Variants in VPS13C observed in about 807,000 individuals in gnomAD.
The protein encoded by VPS13C is vacuolar protein sorting 13 homolog C.
In VPS13C, 358 loss-of-function variants were observed where a neutral mutation model predicts 456.8. The observed-to-expected ratio is 0.78, with a 90% CI of 0.72 to 0.86. VPS13C has a LOEUF of 0.86. Ranked by LOEUF, VPS13C falls within the 40% of genes least tolerant of loss-of-function variation. The pLI, the probability that VPS13C is intolerant of heterozygous loss-of-function variation, is 0.00. For missense variants in VPS13C, 4,818 were observed against 4,385.4 expected (o/e 1.10, Z -2.79); for synonymous variants, 1,578 against 1,486.7 (o/e 1.06, Z -1.41).
chr15:61,897,199 C>T (rs1226007395), intron 66 of VPS13C, among the ~76,000 whole-genome samples: 1 of 152,178 alleles, frequency 6.6e-6, no homozygotes. Flanking sequence ...GAGCACCTCT[C>T]CTCCTCCAAA....
intron 1 of VPS13C, among the ~76,000 whole-genome samples, chr15:62,059,273 G>A (rs1327445883): frequency 2.0e-5 from 3 of 152,154 alleles, no homozygotes; most frequent in Non-Finnish European, 4.4e-5. Flanking sequence ...CACAGCTACA[G>A]TGGCTAGTGG....
chr15:62,056,240 C>G (rs1179574523), intron 1 of VPS13C, among the ~76,000 whole-genome samples: 1 of 152,150 alleles, frequency 6.6e-6, no homozygotes, highest in Non-Finnish European at 1.5e-5. Flanking sequence ...AATAGTTATA[C>G]CATATAGATC....
At chr15:62,023,734 G>A in intron 7 of VPS13C, 46 bp downstream of exon 7, 1 of 1,491,248 alleles carries the variant, frequency 6.7e-7, no homozygotes, top group Non-Finnish European at 9.2e-7. Context: ...AAATAAAGTG[G>A]CAATGTGTAT....
intron 1 of VPS13C, among the ~76,000 whole-genome samples, chr15:62,057,959 A>G (rs2048853822): frequency 6.6e-6 from 1 of 152,252 alleles, no homozygotes; most frequent in Admixed American, 6.5e-5. Flanking sequence ...ACCTCTGACT[A>G]TATCCATACG....
At chr15:62,044,113 C>T in intron 2 of VPS13C, 99 bp downstream of exon 2, 3 of 733,150 alleles carry the variant, frequency 4.1e-6, no homozygotes, top group Non-Finnish European at 6.6e-6. Context: ...GTGATTCCAT[C>T]ACTTTATCTA....
At chr15:61,894,075 G>A (rs2042731003) in intron 66 of VPS13C, among the ~76,000 whole-genome samples, 1 of 152,154 alleles carries the variant, frequency 6.6e-6, no homozygotes, top group Non-Finnish European at 1.5e-5. Flanking sequence ...GGAGGCCGAG[G>A]TGGGCGGATT....
intron 70 of VPS13C, 37 bp from the exon 71 acceptor site, chr15:61,881,669 C>T: frequency 3.1e-6 from 5 of 1,605,106 alleles, no homozygotes; most frequent in Non-Finnish European, 4.3e-6. Context: ...AAAAATAATG[C>T]TTTATACTAG....
intron 77 of VPS13C, 52 bp downstream of exon 77, chr15:61,874,824 C>G (rs1895293212): frequency 6.9e-7 from 1 of 1,450,088 alleles, no homozygotes; most frequent in Admixed American, 2.2e-5. Context: ...CAACGTATTT[C>G]ATAACAATAT....
At chr15:61,948,186 T>C (rs1331079883) in intron 42 of VPS13C, among the ~76,000 whole-genome samples, 1 of 152,240 alleles carries the variant, frequency 6.6e-6, no homozygotes, top group Non-Finnish European at 1.5e-5. Context: ...ATAGTGTTTC[T>C]AGTGTATTGT....
chr15:61,929,682 G>T lies in VPS13C; in HGVS notation c.6105C>A (p.Asp2035Glu), dbSNP rs201988310. 2 of 1,613,516 alleles carry T rather than the reference G, an allele frequency of 1.2e-6. No homozygotes were observed. The highest frequency in any genetic ancestry group is 1.7e-6 in the Non-Finnish European group (2 of 1,179,884). ...SSMIDISYKQ[D>E]KNGSQIDAVL... ...CAGCATCAATTTGACTTCCATTTTT[G>T]TCTTGTTTGTAACTTATATCAATCA... Residue 2035 changes from aspartate (D) to glutamate (E), a missense_variant, in exon 51 of 85, where the codon GAC becomes GAA. Coordinates refer to ENST00000644861, the MANE Select transcript of VPS13C (RefSeq NM_020821.3).
At chr15:61,961,481 T>C (rs2045205779) in intron 35 of VPS13C, 108 bp downstream of exon 35, 4 of 1,043,396 alleles carry the variant, frequency 3.8e-6, no homozygotes, top group Non-Finnish European at 5.4e-6. Context: ...TTCCGTGTAA[T>C]GGAACAGTTT....
chr15:61,888,886 A>C (rs1896464038), intron 67 of VPS13C, among the ~76,000 whole-genome samples: 1 of 152,178 alleles, frequency 6.6e-6, no homozygotes, highest in Non-Finnish European at 1.5e-5. Context: ...ACAATAATGT[A>C]GTATCAATAT....
rs1418164461 is a variant in VPS13C, at chr15:61,936,539, A to G, written c.5755+58T>C. On this transcript the variant is annotated intron_variant, in intron 48 of 84. Coordinates refer to ENST00000644861, the MANE Select transcript of VPS13C (RefSeq NM_020821.3). Reference sequence around the variant, plus strand: ...CTGGACAGCTAGAAAAATACTAAATATAAATATGACATTAACACCAATTTT... The same window carrying G: ...CTGGACAGCTAGAAAAATACTAAATGTAAATATGACATTAACACCAATTTT... 7 of 1,451,208 alleles carry G rather than the reference A, an allele frequency of 4.8e-6. No homozygotes were observed. The African/African-American group carries it at 1.0e-4, about 21-fold the overall frequency. The allele number at this position is 1,451,208 out of a possible 1,614,324, so 89.9% of individuals were successfully genotyped here.
rs201729614 is a variant in VPS13C at position 61,967,465 on chromosome 15, G to GA, written c.2912-19dup. On this transcript the variant is annotated intron_variant, in intron 28 of 84. Transcript: ENST00000644861. ...TTTGGATCCTAGATTAAAGAAAAAG[G>GA]AAAAAAAAGTGTTTCAAATAAATTG... 2,017 of 1,544,354 alleles carry GA rather than the reference G, an allele frequency of 1.3e-3. 23 individuals are homozygous for GA. In the African/African-American group the frequency reaches 0.025, roughly 19 times the overall value.
rs2045645419 is a variant in VPS13C at position 61,974,423 on chromosome 15, A to T, written c.2409-6T>A. The T allele has an allele frequency of 9.3e-6, 15 of 1,610,818 alleles. No homozygotes were observed. The East Asian group carries it at 3.4e-4, about 36-fold the overall frequency. On this transcript the variant is annotated splice_region_variant and splice_polypyrimidine_tract_variant and intron_variant, in intron 24 of 84. Transcript: ENST00000644861. ...GTCCTCCTGACACTTTAAATCTAAA[A>T]ATACAATTCAGTGGTTTTAAGTCAG...
Position 61,962,763 on chromosome 15 carries a change from T to C in VPS13C, c.3421A>G (p.Thr1141Ala), listed in dbSNP as rs772986561. 2.5e-6 allele frequency: 4 copies of C among 1,602,788 alleles called. No individual in the cohort carries two copies. Among genetic ancestry groups the C allele is most frequent in the Non-Finnish European group, 3.4e-6 (4 of 1,172,598 alleles). Residue 1141 changes from threonine to alanine, a missense_variant, in exon 33 of 85, where the codon ACA becomes GCA. Coordinates refer to ENST00000644861, the MANE Select transcript of VPS13C (RefSeq NM_020821.3). The stretch of plus-strand genomic sequence containing the variant: ...CAATCACCTACTTTCTTATGAACTG[T>C]CTTTGGATCAACATCTGTGACAATA... ...NIIVTDVDPK[T>A]VHKKAVSIMG...
intron 76 of VPS13C, among the ~76,000 whole-genome samples, 166 bp downstream of exon 76, chr15:61,875,566 T>A (rs1005897861): frequency 2.0e-5 from 3 of 152,066 alleles, no homozygotes; most frequent in Non-Finnish European, 4.4e-5. Context: ...AATCATCCAA[T>A]GTTATCTCAT....
chr15:61,964,389 C>T (rs1423955063), intron 31 of VPS13C, among the ~76,000 whole-genome samples: 4 of 151,976 alleles, frequency 2.6e-5, no homozygotes, highest in African/African-American at 9.7e-5. Flanking sequence ...AAGACTAACT[C>T]TTTATAAAGC....
intron 2 of VPS13C, among the ~76,000 whole-genome samples, chr15:62,043,258 T>C (rs1172317181): frequency 6.6e-6 from 1 of 152,228 alleles, no homozygotes; most frequent in Non-Finnish European, 1.5e-5. Context: ...TATATTGTTT[T>C]ATAATTAACT....
Sources: gnomAD v4.1 joint callset for allele counts (sites outside exome capture counted in the v4.1 genomes callset) on GRCh38, gnomAD v4.1.1 for gene constraint, MANE v1.5 for transcripts, NCBI Gene and HGNC (gene_info 2026-07-23, HGNC 2026-07-21) for gene names.